The following SCN2A variants were observed in gnomAD, a reference collection of about 807,000 sequenced individuals.
SCN2A encodes the protein sodium channel protein type 2 subunit alpha.
SCN2A carries 20 observed loss-of-function variants against 188.7 expected under a neutral mutation model. The ratio of observed to expected loss-of-function variants is 0.11; its 90% CI spans 0.07 to 0.15. The LOEUF is 0.15. Ranked by LOEUF, SCN2A falls within the 10% of genes least tolerant of loss-of-function variation. The pLI, the probability that SCN2A is intolerant of heterozygous loss-of-function variation, is 1.00. For synonymous variants in SCN2A, 804 were observed against 833.1 expected (o/e 0.97, Z 0.60); for missense variants, 1,278 against 2,445.0 (o/e 0.52, Z 10.07).
At position 165,367,595 on chromosome 2, in the gene SCN2A, A is replaced by C. The variant is rs3816000; in HGVS notation, c.3675+224A>C. 0.14 allele frequency among the ~76,000 whole-genome samples: 21,001 copies of C among 152,238 alleles called. 1,509 individuals are homozygous for C. Among genetic ancestry groups the C allele is most frequent in the Non-Finnish European group, 0.15 (10,361 of 68,008 alleles). ...CAAACTCAGATCATTATGGTTTCTT[A>C]TAATGTTTAAAGAAGGATCTTTCTG... On this transcript the variant is annotated intron_variant, in intron 19 of 26. Coordinates refer to ENST00000375437, the MANE Select transcript of SCN2A (RefSeq NM_001040142.2).
At chr2:165,247,575 T>C (rs1693902231) in intron 1 of SCN2A, among the ~76,000 whole-genome samples, 1 of 152,136 alleles carries the variant, frequency 6.6e-6, no homozygotes, top group South Asian at 2.1e-4. Context: ...TAGCACACAA[T>C]TTTGACTCTT....
chr2:165,315,362 G>T, intron 10 of SCN2A, 109 bp from the exon 11 acceptor site: 1 of 1,529,036 alleles, frequency 6.5e-7, no homozygotes. Flanking sequence ...ATAAAATGGA[G>T]AATTGTTTTT....
chr2:165,336,261 A>G (rs1297946771), intron 14 of SCN2A, among the ~76,000 whole-genome samples: 2 of 151,996 alleles, frequency 1.3e-5, no homozygotes, highest in African/African-American at 4.8e-5. Flanking sequence ...GGATATATAT[A>G]TCTAAGAGAA....
intron 25 of SCN2A, among the ~76,000 whole-genome samples, 198 bp from the exon 26 acceptor site, chr2:165,386,548 C>T (rs905555220): frequency 2.6e-5 from 4 of 151,886 alleles, no homozygotes; most frequent in African/African-American, 9.7e-5. Context: ...TACTTACCTG[C>T]TTTGTGACCT....
At chr2:165,252,248 A>G (rs913751270) in intron 1 of SCN2A, among the ~76,000 whole-genome samples, 15 of 152,092 alleles carry the variant, frequency 9.9e-5, no homozygotes, top group African/African-American at 3.6e-4. Flanking sequence ...ATGCATCAAG[A>G]TATTAATAAG....
At chr2:165,244,832 A>G (rs1468671426) in intron 1 of SCN2A, among the ~76,000 whole-genome samples, 1 of 152,180 alleles carries the variant, frequency 6.6e-6, no homozygotes, top group East Asian at 1.9e-4. Flanking sequence ...TCTTGGTGTT[A>G]TTAGCAAATA....
chr2:165,323,440 T>G lies in SCN2A; in HGVS notation c.1956T>G (p.Gly652=), dbSNP rs770479780. ...GKMHSAVDCN[G]VVSLVGGPST... is the part of the protein sequence containing the mutation. ...TGCATAGCGCTGTGGACTGCAATGG[T>G]GTGGTCTCCCTGGTCGGGGGCCCTT... Residue 652 remains glycine, a synonymous_variant, in exon 12 of 27, where the codon GGT becomes GGG. Coordinates refer to ENST00000375437, the MANE Select transcript of SCN2A (RefSeq NM_001040142.2). The G allele has an allele frequency of 1.4e-5, 23 of 1,613,864 alleles. 1 individual carries two copies. The South Asian group carries it at 2.5e-4, about 18-fold the overall frequency.
chr2:165,367,964 G>A (rs1700818174), intron 19 of SCN2A, among the ~76,000 whole-genome samples: 1 of 152,196 alleles, frequency 6.6e-6, no homozygotes, highest in Non-Finnish European at 1.5e-5. Context: ...GCCATCCATG[G>A]ATGGCTTAAA....
At chr2:165,362,302 A>G (rs1033809702) in intron 17 of SCN2A, among the ~76,000 whole-genome samples, 2 of 152,044 alleles carry the variant, frequency 1.3e-5, no homozygotes, top group African/African-American at 4.8e-5. Flanking sequence ...GTGCACTAAA[A>G]TGAAAGGGAG....
chr2:165,388,373 G>A (rs1014421180), intron 26 of SCN2A, among the ~76,000 whole-genome samples: 6 of 152,090 alleles, frequency 3.9e-5, no homozygotes, highest in African/African-American at 1.2e-4. Context: ...TTCCAGGGTT[G>A]AGTCATTTTT....
chr2:165,243,589 G>GAGAC (rs947659959), intron 1 of SCN2A: 2 of 149,308 alleles, frequency 1.3e-5, no homozygotes, highest in African/African-American at 2.5e-5. Flanking sequence ...GTGACAAAGT[G>GAGAC]AGACTCTGTT....
At chr2:165,258,014 T>G (rs1381590260) in intron 1 of SCN2A, among the ~76,000 whole-genome samples, 1 of 152,136 alleles carries the variant, frequency 6.6e-6, no homozygotes, top group Non-Finnish European at 1.5e-5. Flanking sequence ...TGTTTTTGTT[T>G]TTTGTTTTTT....
At chr2:165,247,771 C>T (rs112000481) in intron 1 of SCN2A, among the ~76,000 whole-genome samples, 1 of 152,096 alleles carries the variant, frequency 6.6e-6, no homozygotes, top group African/African-American at 2.4e-5. Flanking sequence ...CAAATATTTA[C>T]CTCCAGTTTT....
In SCN2A at chr2:165,387,446, T is replaced by C. The variant is rs551865124; in HGVS notation, c.4822+430T>C. 2.0e-5 allele frequency among the ~76,000 whole-genome samples: 3 copies of C among 152,312 alleles called. No individual in the cohort carries two copies. The South Asian group carries it at 6.2e-4, about 32-fold the overall frequency. Reference sequence around the variant, plus strand: ...TCTTAAATAATTGGAATAGTGTATATGTGCAGTTATATATATAATAACACA... The same window carrying C: ...TCTTAAATAATTGGAATAGTGTATACGTGCAGTTATATATATAATAACACA... On this transcript the variant is annotated intron_variant, in intron 26 of 26. Coordinates refer to ENST00000375437, the MANE Select transcript of SCN2A (RefSeq NM_001040142.2).
intron 17 of SCN2A, among the ~76,000 whole-genome samples, chr2:165,355,256 A>G (rs986231646): frequency 6.6e-6 from 1 of 152,216 alleles, no homozygotes; most frequent in African/African-American, 2.4e-5. Context: ...CTAAAAACAT[A>G]TTTAACCCTA....
At chr2:165,279,772 A>C (rs1461600863) in intron 1 of SCN2A, among the ~76,000 whole-genome samples, 1 of 152,130 alleles carries the variant, frequency 6.6e-6, no homozygotes, top group Non-Finnish European at 1.5e-5. Flanking sequence ...GATGACATTA[A>C]TTCTGTGATA....
chr2:165,260,617 G>A (rs1694546204), intron 1 of SCN2A, among the ~76,000 whole-genome samples: 1 of 152,040 alleles, frequency 6.6e-6, no homozygotes, highest in Non-Finnish European at 1.5e-5. Flanking sequence ...CAGTATGCAT[G>A]GAGGATTCGT....
At chr2:165,293,391 A>G (rs1696320027) in intron 1 of SCN2A, among the ~76,000 whole-genome samples, 1 of 152,188 alleles carries the variant, frequency 6.6e-6, no homozygotes, top group African/African-American at 2.4e-5. Context: ...CATAGAGTGT[A>G]CGTAAAACCT....
rs752258602 is a variant in SCN2A, at chr2:165,370,299, T to C, written c.3849T>C (p.Asp1283=). The C allele has an allele frequency of 1.5e-5, 24 of 1,614,036 alleles. No homozygotes were observed. The highest frequency in any genetic ancestry group is 1.1e-5 in the South Asian group (1 of 91,086). The part of the protein sequence containing the change: ...AWCWLDFLIV[D]VSLVSLTANA... ...GCTGGCTAGACTTCCTGATTGTTGATGTGAGTATGCTGCACTTTGCTGCTT... is the reference window on the plus strand; with the variant it reads ...GCTGGCTAGACTTCCTGATTGTTGACGTGAGTATGCTGCACTTTGCTGCTT... The change falls in exon 20 of 27, where the codon GAT becomes GAC. Residue 1283 remains aspartate (D), a splice_region_variant and synonymous_variant. Transcript: ENST00000375437.
Sources: allele counts gnomAD v4.1 joint callset (sites outside exome capture counted in the v4.1 genomes callset), GRCh38; gene constraint gnomAD v4.1.1; transcripts MANE v1.5; gene names NCBI Gene and HGNC (gene_info 2026-07-23, HGNC 2026-07-21).